Variants in CHMP3 observed in about 807,000 individuals in gnomAD.
The protein encoded by CHMP3 is 25.1 protein.
CHMP3 carries 8 observed loss-of-function variants against 27.4 expected under a neutral mutation model. That is an observed-to-expected ratio of 0.29 (90% CI 0.17 to 0.53). The LOEUF is 0.53. Ranked by LOEUF, CHMP3 falls within the 20% of genes least tolerant of loss-of-function variation. The pLI is 0.96. For missense variants in CHMP3, 208 were observed against 271.5 expected, an observed-to-expected ratio of 0.77 and a Z score of 1.64; for synonymous variants, 86 against 85.5, an observed-to-expected ratio of 1.01 and a Z score of -0.03.
chr2:86,542,450 G>C, intron 1 of CHMP3, 138 bp from the exon 2 acceptor site: 1 of 818,824 alleles, frequency 1.2e-6, no homozygotes, highest in East Asian at 2.7e-5. Flanking sequence ...GAGCTTTAGG[G>C]TCAAATTTTA....
intron 3 of CHMP3, among the ~76,000 whole-genome samples, chr2:86,524,021 G>C (rs1189759078): frequency 2.6e-5 from 4 of 152,076 alleles, no homozygotes; most frequent in African/African-American, 7.2e-5. Flanking sequence ...ATAATATTTA[G>C]AACCTATATA....
intron 1 of CHMP3, chr2:86,563,080 C>T (rs1373564651): frequency 1.2e-5 from 6 of 504,598 alleles, no homozygotes; most frequent in Non-Finnish European, 2.1e-5. Flanking sequence ...ACTCTTCATC[C>T]ACCCTCGGCT....
intron 1 of CHMP3, among the ~76,000 whole-genome samples, chr2:86,559,489 CCTGA>C (rs1187522920): frequency 2.0e-5 from 3 of 152,170 alleles, no homozygotes; most frequent in Admixed American, 1.3e-4. Context: ...TCTGGAAAAC[CCTGA>C]CTAATACACC....
At chr2:86,526,406 A>G (rs1165746444) in intron 3 of CHMP3, among the ~76,000 whole-genome samples, 3 of 152,224 alleles carry the variant, frequency 2.0e-5, no homozygotes, top group African/African-American at 7.2e-5. Flanking sequence ...AGGTATGGAA[A>G]AAAAGAACTC....
intron 2 of CHMP3, among the ~76,000 whole-genome samples, chr2:86,540,331 C>T (rs1357584646): frequency 2.0e-5 from 3 of 152,096 alleles, no homozygotes; most frequent in Non-Finnish European, 4.4e-5. Flanking sequence ...TCACTTGATA[C>T]TAGAAGCTCT....
Position 86,505,913 on chromosome 2 carries a change from G to T in CHMP3, c.560C>A (p.Ala187Asp). 1 of 1,588,520 alleles carries T rather than the reference G, an allele frequency of 6.3e-7. No individual in the cohort carries two copies. Among genetic ancestry groups the T allele is most frequent in the South Asian group, 1.1e-5 (1 of 87,534 alleles). The change falls in exon 6 of 6, where the codon GCC becomes GAC. Residue 187 changes from alanine to aspartate, a missense_variant. Transcript: ENST00000263856. ...TCCTGGAGGTTCTGGCTCTGGAAGG[G>T]CATCAGTCACTTTACTGGGTGCTTT... ...LGKAPSKVTDALPEPEPPGAM... is the reference protein window; with the variant it reads ...LGKAPSKVTDDLPEPEPPGAM...
rs111434014 is a variant in CHMP3, at chr2:86,503,998, G to A, written c.*1806C>T. The A allele has an allele frequency of 6.6e-5, 10 of 152,264 alleles. No individual in the cohort carries two copies. The highest frequency in any genetic ancestry group is 1.7e-4 in the African/African-American group (7 of 41,536). 9.4% of individuals were successfully genotyped at this position (152,264 alleles called of 1,614,324 possible). A position where few individuals can be genotyped will look rare whatever the true frequency, so the allele number is the denominator to read the frequency against. On this transcript the variant is annotated 3_prime_UTR_variant, in exon 6 of 6. Coordinates refer to ENST00000263856, the MANE Select transcript of CHMP3 (RefSeq NM_016079.4). ...ATTGGGTACTAGGCTTAGTACCTGG[G>A]TCACTAAATAATCTGTATAACAAAC...
intron 2 of CHMP3, among the ~76,000 whole-genome samples, chr2:86,535,381 T>G (rs1196723839): frequency 6.6e-6 from 1 of 152,204 alleles, no homozygotes; most frequent in Non-Finnish European, 1.5e-5. Context: ...CTTGTGTGTT[T>G]ACTTGATTTT....
chr2:86,510,328 G>T, intron 4 of CHMP3, 30 bp downstream of exon 4: 1 of 1,611,074 alleles, frequency 6.2e-7, no homozygotes, highest in Non-Finnish European at 8.5e-7. Context: ...CTGGGGTTTG[G>T]AAAGGAAAGC....
At chr2:86,562,495 C>T (rs1280860030) in intron 1 of CHMP3, among the ~76,000 whole-genome samples, 1 of 152,196 alleles carries the variant, frequency 6.6e-6, no homozygotes, top group African/African-American at 2.4e-5. Context: ...TTAGCCCTAA[C>T]TACCAATATG....
intron 3 of CHMP3, among the ~76,000 whole-genome samples, chr2:86,513,921 C>G (rs7559738): frequency 0.074 from 11,250 of 152,272 alleles, 466 homozygotes; most frequent in Non-Finnish European, 0.079. Context: ...ACCCCAGCTC[C>G]GCCATTTCCT....
chr2:86,508,509 C>G (rs1169531285), intron 4 of CHMP3, among the ~76,000 whole-genome samples: 1 of 152,194 alleles, frequency 6.6e-6, no homozygotes, highest in Non-Finnish European at 1.5e-5. Context: ...TGGTGGAGGG[C>G]ATGGGTTCAG....
At chr2:86,541,487 CT>C (rs1381383224) in intron 2 of CHMP3, 1 of 152,174 alleles carries the variant, frequency 6.6e-6, no homozygotes, top group African/African-American at 2.4e-5. Context: ...CCACTATGCT[CT>C]GCTTGGAATG....
At chr2:86,518,814 C>G (rs1675413336) in intron 3 of CHMP3, among the ~76,000 whole-genome samples, 1 of 152,128 alleles carries the variant, frequency 6.6e-6, no homozygotes, top group East Asian at 1.9e-4. Context: ...CTAATAAAAG[C>G]TACTGCAACT....
chr2:86,532,481 A>C (rs1204626984), intron 2 of CHMP3, among the ~76,000 whole-genome samples: 1 of 152,172 alleles, frequency 6.6e-6, no homozygotes, highest in Non-Finnish European at 1.5e-5. Flanking sequence ...GTTAAAGAGA[A>C]GTGGCAAAAG....
chr2:86,510,656 A>G (rs1675071004), intron 3 of CHMP3, 177 bp from the exon 4 acceptor site: 2 of 863,134 alleles, frequency 2.3e-6, no homozygotes, highest in Non-Finnish European at 3.4e-6. Flanking sequence ...CCTAAATTGT[A>G]TGCTATCTGG....
chr2:86,507,393 T>C, intron 5 of CHMP3, 86 bp downstream of exon 5: 3 of 1,207,104 alleles, frequency 2.5e-6, no homozygotes. Context: ...AGTTAATGCC[T>C]AAAGAAAAAG....
intron 2 of CHMP3, chr2:86,541,088 G>C (rs897774964): frequency 2.0e-5 from 3 of 152,068 alleles, no homozygotes; most frequent in African/African-American, 7.2e-5. Context: ...GTATGGGCTT[G>C]TGGTAGCCTT....
intron 1 of CHMP3, among the ~76,000 whole-genome samples, chr2:86,543,719 C>A (rs762857849): frequency 9.2e-5 from 14 of 152,194 alleles, no homozygotes; most frequent in Non-Finnish European, 1.6e-4. Context: ...AAATAACCAT[C>A]ATTTTCTTCT....
Sources: allele counts gnomAD v4.1 joint callset (sites outside exome capture counted in the v4.1 genomes callset), GRCh38; gene constraint gnomAD v4.1.1; transcripts MANE v1.5; gene names NCBI Gene and HGNC (gene_info 2026-07-23, HGNC 2026-07-21).